Variants in LDLRAD4 observed in about 807,000 individuals in gnomAD.
LDLRAD4 encodes low density lipoprotein receptor class A domain containing 4.
LDLRAD4 carries 5 observed loss-of-function variants against 17.0 expected under a neutral mutation model. The ratio of observed to expected loss-of-function variants is 0.29; its 90% CI spans 0.15 to 0.62. The LOEUF (loss-of-function observed/expected upper bound fraction) is 0.62. LDLRAD4 is among the 20% of genes least tolerant of loss of function. The pLI, the probability that LDLRAD4 is intolerant of heterozygous loss-of-function variation, is 0.84. For synonymous variants in LDLRAD4, 168 were observed against 171.8 expected (o/e 0.98, Z 0.17); for missense variants, 340 against 424.7 (o/e 0.80, Z 1.75).
At chr18:13,492,438 TC>T (rs771286480) in intron 3 of LDLRAD4, among the ~76,000 whole-genome samples, 1 of 151,302 alleles carries the variant, frequency 6.6e-6, no homozygotes. Flanking sequence ...GGTCCTCCCT[TC>T]CCCCCCGGGT....
chr18:13,338,468 G>C (rs1275492602), intron 1 of LDLRAD4, among the ~76,000 whole-genome samples: 1 of 152,204 alleles, frequency 6.6e-6, no homozygotes, highest in Non-Finnish European at 1.5e-5. Context: ...TCTGACCACT[G>C]CTGTGCCCTT....
At chr18:13,477,323 G>A (rs2092966181) in intron 3 of LDLRAD4, among the ~76,000 whole-genome samples, 3 of 152,170 alleles carry the variant, frequency 2.0e-5, no homozygotes, top group African/African-American at 4.8e-5. Flanking sequence ...AGGTCCATGA[G>A]GTGGGAAATG....
chr18:13,553,796 C>CGA (rs2094458035), intron 3 of LDLRAD4, among the ~76,000 whole-genome samples: 1 of 152,184 alleles, frequency 6.6e-6, no homozygotes, highest in African/African-American at 2.4e-5. Flanking sequence ...ACATGTTCCC[C>CGA]CCTTTACTGT....
Position 13,645,165 on chromosome 18 carries a change from G to GC in LDLRAD4, c.431dup (p.Ser145ValfsTer23). Reference sequence around the variant, plus strand: ...CGCGGTCCAGGGACAGGTTCACAGCGCCGTCCTTCATCCAGAGGGATCGCT... The same window carrying GC: ...CGCGGTCCAGGGACAGGTTCACAGCGCCCGTCCTTCATCCAGAGGGATCGCT... On this transcript the variant is annotated frameshift_variant, in exon 6 of 6. Coordinates refer to ENST00000359446, the Ensembl canonical transcript of LDLRAD4. LOFTEE classifies it high-confidence loss of function. This position sits in a 1 kb window ranked among gnomAD's most constrained non-coding sequence, Gnocchi z 5.7. The GC allele has an allele frequency of 6.2e-7, 1 of 1,613,736 alleles. No homozygotes were observed. The highest frequency in any genetic ancestry group is 8.5e-7 in the Non-Finnish European group (1 of 1,179,902).
At chr18:13,523,923 G>A (rs2093991207) in intron 3 of LDLRAD4, among the ~76,000 whole-genome samples, 1 of 152,208 alleles carries the variant, frequency 6.6e-6, no homozygotes, top group African/African-American at 2.4e-5. Context: ...TCAGGCCACA[G>A]TCCATGAGCC....
In LDLRAD4 at chr18:13,559,468, C is replaced by G. The variant is rs558743409; in HGVS notation, c.182-61649C>G. Reference sequence around the variant, plus strand: ...AAAAATGCAACAGGATTATTAGTCTCTATTTGTCTAGAATTGAAATTTCTA... The same window carrying G: ...AAAAATGCAACAGGATTATTAGTCTGTATTTGTCTAGAATTGAAATTTCTA... On this transcript the variant is annotated intron_variant, in intron 3 of 5. Coordinates refer to ENST00000359446, the Ensembl canonical transcript of LDLRAD4. 2.6e-5 allele frequency among the ~76,000 whole-genome samples: 4 copies of G among 152,098 alleles called. 1 individual carries two copies. The South Asian group carries it at 8.3e-4, about 32-fold the overall frequency.
chr18:13,588,873 C>T (rs147704617), intron 3 of LDLRAD4, among the ~76,000 whole-genome samples: 26 of 152,028 alleles, frequency 1.7e-4, no homozygotes, highest in African/African-American at 6.3e-4. Flanking sequence ...ACTCAGAAAG[C>T]TCTGCGGAAT....
chr18:13,449,491 C>G (rs1307580467), intron 3 of LDLRAD4, among the ~76,000 whole-genome samples: 1 of 152,220 alleles, frequency 6.6e-6, no homozygotes, highest in Non-Finnish European at 1.5e-5. Flanking sequence ...AGACTGGTGG[C>G]TCAGTGGGGT....
rs192234447 is a variant in LDLRAD4 at position 13,349,839 on chromosome 18, T to A, written c.-382-37502T>A. Among the ~76,000 whole-genome samples, 4 of 152,188 alleles carry A rather than the reference T, an allele frequency of 2.6e-5. No individual in the cohort carries two copies. In the East Asian group the frequency reaches 7.7e-4, roughly 29 times the overall value. On this transcript the variant is annotated intron_variant, in intron 1 of 5. Coordinates refer to ENST00000359446, the Ensembl canonical transcript of LDLRAD4. Reference sequence around the variant, plus strand: ...TGTTGATCCTCTCCCTGTGTCCGTGTGTTCTCACTATTCAACTCCCACTTA... The same window carrying A: ...TGTTGATCCTCTCCCTGTGTCCGTGAGTTCTCACTATTCAACTCCCACTTA...
intron 1 of LDLRAD4, among the ~76,000 whole-genome samples, chr18:13,372,018 AC>A (rs1267522383): frequency 6.6e-6 from 1 of 152,208 alleles, no homozygotes; most frequent in African/African-American, 2.4e-5. Flanking sequence ...GTTTCTACTT[AC>A]ATGGGACGGT....
In LDLRAD4 at chr18:13,300,961, G is replaced by A. The variant is rs866765042; in HGVS notation, c.-383+22773G>A. 9.2e-5 allele frequency among the ~76,000 whole-genome samples: 14 copies of A among 152,342 alleles called. No homozygotes were observed. Among genetic ancestry groups the A allele is most frequent in the African/African-American group, 2.9e-4 (12 of 41,580 alleles). On this transcript the variant is annotated intron_variant, in intron 1 of 5. Transcript: ENST00000359446. The surrounding 1 kb of genome is among the most constrained non-coding windows in gnomAD (Gnocchi z 4.2). ...CTGATCTTCCAGTGCCCGAGTCCCC[G>A]CTGTGAGCGCCCTGAGGAGCATGTG...
intron 2 of LDLRAD4, among the ~76,000 whole-genome samples, chr18:13,417,580 C>T (rs1006835007): frequency 6.6e-6 from 1 of 152,012 alleles, no homozygotes; most frequent in Admixed American, 6.6e-5. Flanking sequence ...CTACAGGCGC[C>T]CGCCACCACA....
chr18:13,324,634 G>A (rs1227612545), intron 1 of LDLRAD4, among the ~76,000 whole-genome samples: 1 of 152,108 alleles, frequency 6.6e-6, no homozygotes, highest in Admixed American at 6.5e-5. Flanking sequence ...GGAGGGGCTG[G>A]CGTGGGCTGC....
chr18:13,293,180 C>T (rs1173653723), intron 1 of LDLRAD4, among the ~76,000 whole-genome samples: 1 of 152,196 alleles, frequency 6.6e-6, no homozygotes, highest in Admixed American at 6.5e-5. Context: ...TATGTCTTTC[C>T]TATGGCCTGT....
At chr18:13,531,587 C>CTTTTTTT (rs10680224) in intron 3 of LDLRAD4, among the ~76,000 whole-genome samples, 3 of 124,586 alleles carry the variant, frequency 2.4e-5, no homozygotes, top group African/African-American at 9.1e-5. Context: ...AAGACTCCAT[C>CTTTTTTT]TTTTTTTTTT....
intron 1 of LDLRAD4, among the ~76,000 whole-genome samples, chr18:13,289,422 A>G (rs925201524): frequency 6.6e-6 from 1 of 152,252 alleles, no homozygotes; most frequent in Admixed American, 6.5e-5. Context: ...TCAAGGATTC[A>G]TAAGTGTGTA....
intron 1 of LDLRAD4, among the ~76,000 whole-genome samples, chr18:13,239,143 C>T (rs993251347): frequency 3.4e-5 from 5 of 149,242 alleles, no homozygotes; most frequent in African/African-American, 9.9e-5. Context: ...GCTGAGATCA[C>T]ACCACTGTAC....
At chr18:13,357,624 C>A (rs1178737253) in intron 1 of LDLRAD4, among the ~76,000 whole-genome samples, 1 of 152,168 alleles carries the variant, frequency 6.6e-6, no homozygotes, top group Non-Finnish European at 1.5e-5. Context: ...TATATTTTTT[C>A]ATCAGGAGAT....
At chr18:13,552,980 T>G (rs2094450025) in intron 3 of LDLRAD4, among the ~76,000 whole-genome samples, 1 of 152,324 alleles carries the variant, frequency 6.6e-6, no homozygotes, top group Admixed American at 6.5e-5. Flanking sequence ...ATGATGTTGC[T>G]CATTTAAGAC....
Sources: gnomAD v4.1 joint callset for allele counts (sites outside exome capture counted in the v4.1 genomes callset) on GRCh38, gnomAD v4.1.1 for gene constraint, Gnocchi (gnomAD v3.1) non-coding constraint, MANE v1.5 for transcripts, NCBI Gene and HGNC (gene_info 2026-07-23, HGNC 2026-07-21) for gene names.